SYNJ2: variants seen among roughly 807,000 people sequenced by gnomAD.
SYNJ2 encodes polyphosphatidylinositol phosphatase SYNJ2.
SYNJ2 carries 116 observed loss-of-function variants against 141.3 expected under a neutral mutation model. The observed-to-expected ratio is 0.82, with a 90% CI of 0.71 to 0.96. SYNJ2 has a LOEUF of 0.96. SYNJ2 is among the 40% of genes least tolerant of loss of function. SYNJ2 has a pLI of 0.00. For missense variants in SYNJ2, 1,873 were observed against 1,934.8 expected, an observed-to-expected ratio of 0.97 and a Z score of 0.60; for synonymous variants, 745 against 777.7, an observed-to-expected ratio of 0.96 and a Z score of 0.70.
intron 25 of SYNJ2, among the ~76,000 whole-genome samples, chr6:158,091,230 T>A (rs1167056192): frequency 2.0e-5 from 3 of 151,644 alleles, no homozygotes; most frequent in Non-Finnish European, 4.4e-5. Flanking sequence ...GGCAGGAGAA[T>A]GGCTGAGCCC....
chr6:158,017,309 G>A lies in SYNJ2; in HGVS notation c.214+19G>A. 1.2e-6 allele frequency: 2 copies of A among 1,605,364 alleles called. No homozygotes were observed. The highest frequency in any genetic ancestry group is 1.7e-6 in the Non-Finnish European group (2 of 1,176,712). The stretch of plus-strand genomic sequence containing the variant: ...AAATCTGGTGAGTAGCCGCTCGCTG[G>A]AGGAGCAGGCGCCAGGCTCCCCGGT... On this transcript the variant is annotated intron_variant, in intron 2 of 26. Coordinates refer to ENST00000355585, the MANE Select transcript of SYNJ2 (RefSeq NM_003898.4).
chr6:158,042,599 A>G (rs983607060), intron 4 of SYNJ2, among the ~76,000 whole-genome samples: 1 of 152,242 alleles, frequency 6.6e-6, no homozygotes, highest in Non-Finnish European at 1.5e-5. Context: ...CTTGCACTCC[A>G]GCGTCATTGG....
At chr6:158,077,913 C>T (rs1052030643) in intron 17 of SYNJ2, 64 of 292,288 alleles carry the variant, frequency 2.2e-4, no homozygotes, top group African/African-American at 4.4e-5. Flanking sequence ...TGTCTCAAGC[C>T]TACAGTGGGC....
chr6:158,013,303 C>G (rs6905558), intron 1 of SYNJ2, among the ~76,000 whole-genome samples: 99,583 of 152,058 alleles, frequency 0.65, 33,053 homozygotes, highest in Middle Eastern at 0.77. Context: ...ATAGCTTGAA[C>G]CCAGGAGGTG....
At chr6:158,063,896 C>G (rs369651581) in intron 9 of SYNJ2, 24 bp downstream of exon 9, 3 of 1,612,098 alleles carry the variant, frequency 1.9e-6, no homozygotes, top group South Asian at 2.2e-5. Flanking sequence ...ACAGCCTTTT[C>G]GGCCATCTGT....
chr6:158,055,503 A>ATG (rs61172281), intron 6 of SYNJ2, among the ~76,000 whole-genome samples: 26,468 of 147,704 alleles, frequency 0.18, 2,332 homozygotes, highest in East Asian at 0.21. Flanking sequence ...TTGGCATTTT[A>ATG]TGTGTGTGTG....
chr6:158,064,823 C>T lies in SYNJ2; in HGVS notation c.1360-3C>T, dbSNP rs377604592. Reference sequence around the variant, plus strand: ...CACGGCCTGCGGTCTGGGCTCTCGGCAGGTGGGGAAGCTGAAGGATGGAGC... The same window carrying T: ...CACGGCCTGCGGTCTGGGCTCTCGGTAGGTGGGGAAGCTGAAGGATGGAGC... On this transcript the variant is annotated splice_polypyrimidine_tract_variant and splice_region_variant and intron_variant, in intron 10 of 26. Transcript: ENST00000355585. 19 of 1,608,060 alleles carry T rather than the reference C, an allele frequency of 1.2e-5. No individual in the cohort carries two copies. The highest frequency in any genetic ancestry group is 1.4e-5 in the Non-Finnish European group (17 of 1,175,842).
intron 2 of SYNJ2, among the ~76,000 whole-genome samples, chr6:158,020,560 T>TC (rs1434316371): frequency 6.6e-6 from 1 of 151,696 alleles, no homozygotes; most frequent in Admixed American, 6.6e-5. Context: ...CCTGTATGAC[T>TC]CCAACTATAT....
At chr6:158,061,884 G>T in intron 7 of SYNJ2, 108 bp from the exon 8 acceptor site, 1 of 1,133,322 alleles carries the variant, frequency 8.8e-7, no homozygotes, top group Non-Finnish European at 1.3e-6. Context: ...AGCACGTCCT[G>T]CGGCGAGTCA....
chr6:158,048,512 A>G (rs1780380005), intron 5 of SYNJ2, among the ~76,000 whole-genome samples: 1 of 152,204 alleles, frequency 6.6e-6, no homozygotes, highest in South Asian at 2.1e-4. Context: ...CTACTCAAGC[A>G]GTACTCCCCA....
intron 1 of SYNJ2, among the ~76,000 whole-genome samples, chr6:157,983,697 C>T (rs904052226): frequency 1.4e-4 from 21 of 151,960 alleles, no homozygotes; most frequent in African/African-American, 4.6e-4. Context: ...ATTTACATCA[C>T]GGTGGTGATT....
intron 1 of SYNJ2, among the ~76,000 whole-genome samples, chr6:157,994,806 T>C (rs1471480195): frequency 6.6e-6 from 1 of 152,200 alleles, no homozygotes; most frequent in Non-Finnish European, 1.5e-5. Flanking sequence ...TGGGCTCTTT[T>C]TGACAGGGGA....
chr6:158,086,188 G>C (rs1052289798), intron 22 of SYNJ2, among the ~76,000 whole-genome samples: 2 of 152,176 alleles, frequency 1.3e-5, no homozygotes, highest in African/African-American at 4.8e-5. Context: ...TACAGGGAGT[G>C]GGGTGTCCGA....
chr6:158,008,999 T>G (rs1443632427), intron 1 of SYNJ2, among the ~76,000 whole-genome samples: 1 of 152,236 alleles, frequency 6.6e-6, no homozygotes, highest in East Asian at 1.9e-4. Context: ...GGGCTTGCAC[T>G]GGTCAGGAGT....
At chr6:158,038,158 C>T (rs545342158) in intron 4 of SYNJ2, among the ~76,000 whole-genome samples, 2 of 152,338 alleles carry the variant, frequency 1.3e-5, no homozygotes, top group Admixed American at 1.3e-4. Flanking sequence ...ACATTGCCTC[C>T]ACCTCCCTTC....
At chr6:158,055,896 C>T (rs916111501) in intron 6 of SYNJ2, among the ~76,000 whole-genome samples, 9 of 152,158 alleles carry the variant, frequency 5.9e-5, no homozygotes, top group Admixed American at 2.6e-4. Flanking sequence ...AGACCATTGC[C>T]TTTTCCAAAG....
In SYNJ2 at chr6:158,071,602, G is replaced by A; in HGVS notation, c.1941G>A (p.Arg647=). The A allele has an allele frequency of 1.2e-6, 2 of 1,613,498 alleles. No homozygotes were observed. The highest frequency in any genetic ancestry group is 2.2e-5 in the East Asian group (1 of 44,894). Reference sequence around the variant, plus strand: ...GCATGCGCGTATCCTTCTGTTCCAGGGACGTAGCCATCGACACAGTGAAGA... The same window carrying A: ...GCATGCGCGTATCCTTCTGTTCCAGAGACGTAGCCATCGACACAGTGAAGA... ...FVRPYHVPFI[R]DVAIDTVKTG... is the part of the protein sequence containing the mutation. The change falls in exon 15 of 27, where the codon AGG becomes AGA. Residue 647 remains arginine, a splice_region_variant and synonymous_variant. Coordinates refer to ENST00000355585, the MANE Select transcript of SYNJ2 (RefSeq NM_003898.4). This position sits in a 1 kb window ranked among gnomAD's most constrained non-coding sequence, Gnocchi z 4.3.
At chr6:158,078,810 A>ATTTTTT (rs1562392298) in intron 18 of SYNJ2, 2 of 81,176 alleles carry the variant, frequency 2.5e-5, no homozygotes, top group Non-Finnish European at 2.3e-5. Flanking sequence ...TTTTTTTTTG[A>ATTTTTT]GAGAGAGTCT....
At chr6:158,077,399 G>A (rs1018281165) in intron 17 of SYNJ2, among the ~76,000 whole-genome samples, 6 of 152,178 alleles carry the variant, frequency 3.9e-5, no homozygotes, top group Non-Finnish European at 7.3e-5. Context: ...TCTGGGTGGG[G>A]AAAGCGGGGA....
Sources: gnomAD v4.1 joint callset for allele counts (sites outside exome capture counted in the v4.1 genomes callset) on GRCh38, gnomAD v4.1.1 for gene constraint, Gnocchi (gnomAD v3.1) non-coding constraint, MANE v1.5 for transcripts, NCBI Gene and HGNC (gene_info 2026-07-23, HGNC 2026-07-21) for gene names.